Variants in WDR44 observed in about 807,000 individuals in gnomAD.
WDR44 encodes the protein WD repeat domain 44.
In WDR44, 9 loss-of-function variants were observed where a neutral mutation model predicts 65.7. The observed-to-expected ratio is 0.14, with a 90% CI of 0.08 to 0.24. WDR44 has a LOEUF of 0.24. WDR44 is among the 10% of genes least tolerant of loss of function. The pLI, the probability that WDR44 is intolerant of heterozygous loss-of-function variation, is 1.00. For synonymous variants in WDR44, 220 were observed against 235.2 expected (o/e 0.94, Z 0.59); for missense variants, 425 against 670.9 (o/e 0.63, Z 4.05).
chrX:118,355,984 TC>T, intron 1 of WDR44, among the ~76,000 whole-genome samples: 1 of 112,037 alleles, frequency 8.9e-6, no homozygotes, highest in South Asian at 3.7e-4. Flanking sequence ...TATCCTGCAT[TC>T]CTATCAGTTC....
At chrX:118,431,644 A>G (rs1017640606) in intron 12 of WDR44, among the ~76,000 whole-genome samples, 3 of 111,468 alleles carry the variant, frequency 2.7e-5, no homozygotes, top group African/African-American at 9.8e-5. Flanking sequence ...TTTCTACCCT[A>G]ATTTCTGACT....
intron 12 of WDR44, among the ~76,000 whole-genome samples, chrX:118,420,665 C>G (rs1256835699): frequency 8.9e-6 from 1 of 112,134 alleles, no homozygotes; most frequent in Non-Finnish European, 1.9e-5. Flanking sequence ...CCTGTGCATC[C>G]TACCAGCCGT....
intron 12 of WDR44, among the ~76,000 whole-genome samples, chrX:118,424,281 A>ATATATATG (rs760975610): frequency 9.2e-4 from 85 of 92,728 alleles, no homozygotes; most frequent in African/African-American, 2.0e-3. Flanking sequence ...ATATATATAT[A>ATATATATG]TGTGTGTGTG....
At chrX:118,369,297 G>A (rs912556701) in intron 1 of WDR44, among the ~76,000 whole-genome samples, 1 of 102,145 alleles carries the variant, frequency 9.8e-6, no homozygotes, top group African/African-American at 3.6e-5. Context: ...TCAGCCTCCC[G>A]ACTAGCTGGG....
intron 1 of WDR44, among the ~76,000 whole-genome samples, chrX:118,351,696 T>C (rs924601402): frequency 2.7e-5 from 3 of 111,561 alleles, no homozygotes; most frequent in African/African-American, 9.8e-5. Context: ...ACGCCTGTAA[T>C]CTCAGCAGTT....
At chrX:118,407,138 G>C (rs935533057) in intron 10 of WDR44, 112 bp downstream of exon 10, 41 of 729,786 alleles carry the variant, frequency 5.6e-5, no homozygotes, top group Non-Finnish European at 7.6e-5. Context: ...CCTGACTCAA[G>C]AACGGGGAAT....
intron 1 of WDR44, among the ~76,000 whole-genome samples, chrX:118,360,684 C>T (rs915691729): frequency 1.8e-5 from 2 of 112,231 alleles, no homozygotes; most frequent in African/African-American, 6.5e-5. Context: ...CTAGCGCCTT[C>T]TTTGTACAGG....
intron 12 of WDR44, among the ~76,000 whole-genome samples, chrX:118,418,058 A>G (rs1294052410): frequency 9.0e-6 from 1 of 110,809 alleles, no homozygotes; most frequent in African/African-American, 3.3e-5. Context: ...TCTTTATGCT[A>G]TCCATTTCCT....
intron 12 of WDR44, among the ~76,000 whole-genome samples, chrX:118,417,813 C>T (rs1414754596): frequency 8.9e-6 from 1 of 112,018 alleles, no homozygotes; most frequent in African/African-American, 3.2e-5. Context: ...TCCTCAGGAA[C>T]ATCAGTTATT....
chrX:118,352,899 C>A (rs1234582239), intron 1 of WDR44, among the ~76,000 whole-genome samples: 1 of 111,342 alleles, frequency 9.0e-6, no homozygotes, highest in African/African-American at 3.3e-5. Flanking sequence ...TGAGATAAGA[C>A]AAATCCCATC....
chrX:118,368,459 C>CTATATATATATATA (rs757542334), intron 1 of WDR44, among the ~76,000 whole-genome samples: 2,218 of 72,777 alleles, frequency 0.03, 244 homozygotes, highest in African/African-American at 0.12. Context: ...GAAATAGTGA[C>CTATATATATATATA]TATATATATA....
intron 16 of WDR44, 97 bp from the exon 17 acceptor site, chrX:118,442,468 G>T (rs2057311610): frequency 4.2e-6 from 4 of 943,987 alleles, no homozygotes; most frequent in Non-Finnish European, 4.5e-6. Flanking sequence ...TAGTTTTGAG[G>T]TATATTAGTT....
Position 118,393,150 on chromosome X carries a change from C to T in WDR44, c.705C>T (p.Arg235=), listed in dbSNP as rs768674640. ...VASTKKPVPA[R]PPPPTNFPPP... is the part of the protein sequence containing the mutation. ...GTACAAAGAAGCCTGTTCCAGCACGCCCACCTCCTCCAACTAATTTCCCAC... is the reference window on the plus strand; with the variant it reads ...GTACAAAGAAGCCTGTTCCAGCACGTCCACCTCCTCCAACTAATTTCCCAC... Residue 235 remains arginine (R), a synonymous_variant, in exon 4 of 20, where the codon CGC becomes CGT. Transcript: ENST00000254029. The T allele has an allele frequency of 8.3e-7, 1 of 1,211,909 alleles. No individual in the cohort carries two copies. The highest frequency in any genetic ancestry group is 2.2e-5 in the Admixed American group (1 of 46,049).
At chrX:118,386,140 C>G (rs2056763847) in intron 2 of WDR44, among the ~76,000 whole-genome samples, 1 of 111,074 alleles carries the variant, frequency 9.0e-6, no homozygotes, top group Non-Finnish European at 1.9e-5. Flanking sequence ...GTATAAGTGC[C>G]ACCTAAATAA....
chrX:118,439,840 C>T (rs2057288501), intron 14 of WDR44, among the ~76,000 whole-genome samples: 1 of 109,044 alleles, frequency 9.2e-6, no homozygotes, highest in African/African-American at 3.4e-5. Flanking sequence ...AGAATCTTGG[C>T]TGGGTATGGT....
chrX:118,383,991 CACA>C (rs1485465095), intron 2 of WDR44, among the ~76,000 whole-genome samples: 2 of 105,196 alleles, frequency 1.9e-5, no homozygotes, highest in Non-Finnish European at 3.9e-5. Context: ...GTAGTCCTCC[CACA>C]ACAACCTCCA....
At chrX:118,408,107 C>T (rs2056982937) in intron 10 of WDR44, among the ~76,000 whole-genome samples, 1 of 111,923 alleles carries the variant, frequency 8.9e-6, no homozygotes, top group Non-Finnish European at 1.9e-5. Flanking sequence ...CTCCAAATGA[C>T]TCATTTTTAA....
intron 7 of WDR44, among the ~76,000 whole-genome samples, chrX:118,397,519 A>G (rs888600444): frequency 9.0e-6 from 1 of 111,550 alleles, no homozygotes; most frequent in African/African-American, 3.3e-5. Context: ...ATAAATTAAA[A>G]TAACAGAAAA....
chrX:118,382,648 C>G (rs1464626126), intron 2 of WDR44, among the ~76,000 whole-genome samples: 2 of 81,740 alleles, frequency 2.4e-5, no homozygotes, highest in Non-Finnish European at 5.1e-5. Flanking sequence ...CATACAAATA[C>G]TTTGTTGGGT....
Sources: gnomAD v4.1 joint callset for allele counts (sites outside exome capture counted in the v4.1 genomes callset) on GRCh38, gnomAD v4.1.1 for gene constraint, MANE v1.5 for transcripts, NCBI Gene and HGNC (gene_info 2026-07-23, HGNC 2026-07-21) for gene names.